EDARADD: variants seen among roughly 807,000 people sequenced by gnomAD.
EDARADD encodes EDAR associated via death domain.
A neutral mutation model predicts 25.6 loss-of-function variants in EDARADD; 20 were observed. The observed-to-expected ratio is 0.78, with a 90% CI of 0.55 to 1.14. EDARADD has a LOEUF of 1.14. Ranked by LOEUF, EDARADD falls within the 50% of genes most tolerant of loss-of-function variation. The probability of loss-of-function intolerance (pLI) is 0.00; values close to 1 mark genes in which losing one functional copy is unlikely to be tolerated. For missense variants in EDARADD, 225 were observed against 270.1 expected, an observed-to-expected ratio of 0.83 and a Z score of 1.17; for synonymous variants, 86 against 94.4, an observed-to-expected ratio of 0.91 and a Z score of 0.52.
At chr1:236,406,136 C>T (rs528138635) in intron 1 of EDARADD, among the ~76,000 whole-genome samples, 114 of 151,732 alleles carry the variant, frequency 7.5e-4, no homozygotes, top group South Asian at 2.7e-3. Flanking sequence ...GGCAGGATGG[C>T]ATTTTTAAGC....
chr1:236,451,877 T>G (rs771123333), intron 4 of EDARADD, among the ~76,000 whole-genome samples: 15 of 152,086 alleles, frequency 9.9e-5, no homozygotes, highest in Non-Finnish European at 1.0e-4. Context: ...CCAGCTGAAT[T>G]TTTACACCTC....
intron 2 of EDARADD, among the ~76,000 whole-genome samples, chr1:236,350,474 C>A (rs957952959): frequency 6.6e-6 from 1 of 152,166 alleles, no homozygotes; most frequent in African/African-American, 2.4e-5. Context: ...AGGTTTTCAC[C>A]AAGTTTGCCA....
intron 3 of EDARADD, among the ~76,000 whole-genome samples, chr1:236,381,381 T>C (rs1212909618): frequency 6.6e-6 from 1 of 152,100 alleles, no homozygotes; most frequent in Non-Finnish European, 1.5e-5. Flanking sequence ...CTAGGGTACA[T>C]GTGCACAACG....
chr1:236,363,032 T>TATATATATATATATATATAA (rs1377522241), intron 3 of EDARADD, among the ~76,000 whole-genome samples: 2 of 109,998 alleles, frequency 1.8e-5, no homozygotes, highest in Non-Finnish European at 3.6e-5. Flanking sequence ...TATATATATA[T>TATATATATATATATATATAA]AAAATTTGTG....
intron 5 of EDARADD, among the ~76,000 whole-genome samples, chr1:236,471,748 C>T (rs1054742847): frequency 6.6e-6 from 1 of 152,188 alleles, no homozygotes; most frequent in African/African-American, 2.4e-5. Flanking sequence ...CCTCTTGCAG[C>T]AGTGGAGGGA....
At chr1:236,394,820 T>C (rs1461411455) in intron 1 of EDARADD, among the ~76,000 whole-genome samples, 1 of 152,212 alleles carries the variant, frequency 6.6e-6, no homozygotes, top group Non-Finnish European at 1.5e-5. Flanking sequence ...ACTTAAGTAA[T>C]GGGTATAAAA....
chr1:236,371,128 GATCTTGTA>G (rs1667168090), intron 3 of EDARADD, among the ~76,000 whole-genome samples: 1 of 152,156 alleles, frequency 6.6e-6, no homozygotes, highest in African/African-American at 2.4e-5. Context: ...AAGAAACATA[GATCTTGTA>G]CATATTTTGT....
chr1:236,375,655 C>CA (rs34232960), intron 3 of EDARADD, among the ~76,000 whole-genome samples: 7,298 of 74,396 alleles, frequency 0.098, 491 homozygotes, highest in Middle Eastern at 0.17. Context: ...GACTTGGTCT[C>CA]AAAAAAAAAA....
upstream of EDARADD, among the ~76,000 whole-genome samples, chr1:236,390,436 T>A (rs1411867561): frequency 6.6e-6 from 1 of 152,042 alleles, no homozygotes; most frequent in Non-Finnish European, 1.5e-5. Flanking sequence ...GCGCCTGTAA[T>A]CCCAGCTACA....
At chr1:236,423,552 A>G (rs1657832411) in intron 3 of EDARADD, among the ~76,000 whole-genome samples, 1 of 152,122 alleles carries the variant, frequency 6.6e-6, no homozygotes, top group Admixed American at 6.6e-5. Flanking sequence ...ATGCAGTTAG[A>G]TCTTGCCTGC....
chr1:236,453,042 C>T (rs1377893109), intron 4 of EDARADD, among the ~76,000 whole-genome samples: 1 of 152,190 alleles, frequency 6.6e-6, no homozygotes, highest in Non-Finnish European at 1.5e-5. Flanking sequence ...CCTACAACTA[C>T]CCTGATGTCT....
chr1:236,436,278 C>G (rs1658247794), intron 4 of EDARADD, among the ~76,000 whole-genome samples: 1 of 151,970 alleles, frequency 6.6e-6, no homozygotes, highest in African/African-American at 2.4e-5. Context: ...CTGCCTCAGC[C>G]CCCGAGTAGC....
intron 1 of EDARADD, among the ~76,000 whole-genome samples, chr1:236,403,063 C>A (rs1982321): frequency 0.15 from 22,628 of 151,894 alleles, 1,953 homozygotes; most frequent in African/African-American, 0.22. Context: ...TCAAGCGATT[C>A]TCCTGCCTCA....
At chr1:236,409,183 C>T (rs757403340) in intron 1 of EDARADD, 33 bp from the exon 2 acceptor site, 14 of 1,569,876 alleles carry the variant, frequency 8.9e-6, no homozygotes, top group South Asian at 2.3e-5. Context: ...AAAGCAAACC[C>T]GCTCTATTTG....
At chr1:236,415,095 C>T (rs189632546) in intron 3 of EDARADD, among the ~76,000 whole-genome samples, 31 of 152,246 alleles carry the variant, frequency 2.0e-4, no homozygotes, top group Non-Finnish European at 3.4e-4. Flanking sequence ...GGAGCCTTTC[C>T]ACCAGCACGG....
intron 1 of EDARADD, among the ~76,000 whole-genome samples, chr1:236,403,319 G>A (rs773999883): frequency 6.6e-6 from 1 of 151,628 alleles, no homozygotes; most frequent in African/African-American, 2.4e-5. Flanking sequence ...AAGGAGTCTC[G>A]CTCTGTCGAC....
At chr1:236,441,981 G>C (rs1242778293) in intron 4 of EDARADD, among the ~76,000 whole-genome samples, 1 of 152,178 alleles carries the variant, frequency 6.6e-6, no homozygotes, top group African/African-American at 2.4e-5. Flanking sequence ...AGTAAGTGCT[G>C]ATAGAGAAGC....
At chr1:236,350,082 G>A (rs1457657118) in intron 2 of EDARADD, among the ~76,000 whole-genome samples, 1 of 152,160 alleles carries the variant, frequency 6.6e-6, no homozygotes, top group Non-Finnish European at 1.5e-5. Context: ...CTCTAGCCTG[G>A]CGACAGAGTG....
At chr1:236,470,996 G>A (rs1427241794) in intron 5 of EDARADD, among the ~76,000 whole-genome samples, 1 of 152,186 alleles carries the variant, frequency 6.6e-6, no homozygotes, top group African/African-American at 2.4e-5. Context: ...ACCTGCCTTG[G>A]CCTCCCAAAG....
Sources: allele counts gnomAD v4.1 joint callset (sites outside exome capture counted in the v4.1 genomes callset), GRCh38; gene constraint gnomAD v4.1.1; transcripts MANE v1.5; gene names NCBI Gene and HGNC (gene_info 2026-07-23, HGNC 2026-07-21).